Variants in PALS2 observed in about 807,000 individuals in gnomAD.
PALS2 encodes protein associated with LIN7 2, MAGUK p55 family member.
PALS2 carries 27 observed loss-of-function variants against 61.6 expected under a neutral mutation model. That is an observed-to-expected ratio of 0.44 (90% CI 0.32 to 0.60). PALS2 has a LOEUF of 0.60. Among genes scored for constraint, PALS2 ranks in the 20% least tolerant of loss-of-function variants. The probability of loss-of-function intolerance (pLI) is 0.05; values close to 1 mark genes in which losing one functional copy is unlikely to be tolerated. For synonymous variants in PALS2, 236 were observed against 218.6 expected (o/e 1.08, Z -0.70); for missense variants, 554 against 639.4 (o/e 0.87, Z 1.44).
At chr7:24,632,288 A>G (rs768579495) in intron 2 of PALS2, among the ~76,000 whole-genome samples, 5 of 152,250 alleles carry the variant, frequency 3.3e-5, no homozygotes, top group African/African-American at 9.6e-5. Flanking sequence ...TAATGTTAGC[A>G]TGATACACCT....
intron 3 of PALS2, among the ~76,000 whole-genome samples, chr7:24,648,081 T>C (rs1474559053): frequency 6.7e-6 from 1 of 149,882 alleles, no homozygotes; most frequent in Admixed American, 6.7e-5. Context: ...ATGAGTTGTT[T>C]TATTGAATTT....
At chr7:24,601,529 G>C (rs1562607356) in intron 1 of PALS2, among the ~76,000 whole-genome samples, 1 of 151,878 alleles carries the variant, frequency 6.6e-6, no homozygotes, top group Non-Finnish European at 1.5e-5. Flanking sequence ...AATTATCTTT[G>C]CCTTTTTCCT....
chr7:24,628,411 T>C (rs1784844309), intron 2 of PALS2, among the ~76,000 whole-genome samples: 1 of 152,198 alleles, frequency 6.6e-6, no homozygotes, highest in Non-Finnish European at 1.5e-5. Context: ...AATATCATAC[T>C]GAATGGGCAA....
At chr7:24,669,524 C>G (rs1487456940) in intron 9 of PALS2, among the ~76,000 whole-genome samples, 1 of 152,166 alleles carries the variant, frequency 6.6e-6, no homozygotes. Flanking sequence ...ATTCCCATTG[C>G]TGTGCTTCTA....
intron 9 of PALS2, among the ~76,000 whole-genome samples, chr7:24,671,013 A>G (rs1386371993): frequency 6.6e-6 from 1 of 152,182 alleles, no homozygotes; most frequent in East Asian, 1.9e-4. Flanking sequence ...TTGTGTGGAC[A>G]TATGCCTGTT....
chr7:24,633,470 C>A (rs1326594091), intron 2 of PALS2, among the ~76,000 whole-genome samples: 4 of 123,360 alleles, frequency 3.2e-5, no homozygotes, highest in Non-Finnish European at 6.8e-5. Context: ...AGGTTGCCCC[C>A]CCCCCACCCC....
chr7:24,659,257 C>T lies in PALS2; in HGVS notation c.652-4333C>T, dbSNP rs569552035. 2.0e-5 allele frequency among the ~76,000 whole-genome samples: 3 copies of T among 152,206 alleles called. No individual in the cohort carries two copies. The East Asian group carries it at 5.8e-4, about 29-fold the overall frequency. Reference sequence around the variant, plus strand: ...CTTTATCCAGTCCACCATTATTGGGCGCCTAGGTTGATTTCATATCTTTGC... The same window carrying T: ...CTTTATCCAGTCCACCATTATTGGGTGCCTAGGTTGATTTCATATCTTTGC... On this transcript the variant is annotated intron_variant, in intron 5 of 11. Coordinates refer to ENST00000222644, the MANE Select transcript of PALS2 (RefSeq NM_001303037.2).
chr7:24,663,824 G>A (rs1786866791), intron 6 of PALS2, 103 bp downstream of exon 6: 3 of 1,377,530 alleles, frequency 2.2e-6, no homozygotes, highest in South Asian at 2.5e-5. Context: ...TTGTTACAAT[G>A]ATTTTTCCCA....
chr7:24,670,204 C>G (rs1245537867), intron 9 of PALS2, among the ~76,000 whole-genome samples: 1 of 152,166 alleles, frequency 6.6e-6, no homozygotes, highest in East Asian at 1.9e-4. Flanking sequence ...TTGAACAGCC[C>G]TTTCCCCTTC....
In PALS2 at chr7:24,668,484, T is replaced by G; in HGVS notation, c.953-15T>G. On this transcript the variant is annotated splice_polypyrimidine_tract_variant and intron_variant, in intron 8 of 11. Coordinates refer to ENST00000222644, the MANE Select transcript of PALS2 (RefSeq NM_001303037.2). ...TAAAAGTTGACTTTGTATTCCCATT[T>G]CCTTTTTCATTTAGAATTTGATCGT... The G allele has an allele frequency of 6.2e-7, 1 of 1,606,306 alleles. No individual in the cohort carries two copies.
At chr7:24,604,486 CAT>C (rs1323317453) in intron 1 of PALS2, among the ~76,000 whole-genome samples, 4 of 152,054 alleles carry the variant, frequency 2.6e-5, no homozygotes, top group Non-Finnish European at 4.4e-5. Flanking sequence ...GCCTTGGAGA[CAT>C]GTGGGACAAT....
rs151056883 is a variant in PALS2 at position 24,607,104 on chromosome 7, C to T, written c.-2-16562C>T. ...GATTAGAGATGTTCAACCTGTATAA[C>T]CTTATGAGTTGTATCAATGTCATTT... On this transcript the variant is annotated intron_variant, in intron 1 of 11. Coordinates refer to ENST00000222644, the MANE Select transcript of PALS2 (RefSeq NM_001303037.2). Among the ~76,000 whole-genome samples, 7 of 152,088 alleles carry T rather than the reference C, an allele frequency of 4.6e-5. No individual in the cohort carries two copies. In the East Asian group the frequency reaches 1.4e-3, roughly 29 times the overall value.
In PALS2 at chr7:24,588,030, G is replaced by A. The variant is rs140435795; in HGVS notation, c.-3+14437G>A. 1.8e-3 allele frequency among the ~76,000 whole-genome samples: 270 copies of A among 152,194 alleles called. 1 individual carries two copies. The highest frequency in any genetic ancestry group is 6.3e-3 in the African/African-American group (260 of 41,522). On this transcript the variant is annotated intron_variant, in intron 1 of 11. Transcript: ENST00000222644. ...TCTTTGGTTGTCACACCTGGGGTGG[G>A]GTGCTACTGACATCTAGTGGGTAGA...
chr7:24,634,605 T>G (rs769496343), intron 2 of PALS2, among the ~76,000 whole-genome samples: 14 of 152,236 alleles, frequency 9.2e-5, no homozygotes, highest in Non-Finnish European at 1.5e-4. Context: ...TTTGGTCTTA[T>G]ATGTAAGAAT....
Position 24,692,925 on chromosome 7 carries a change from T to TAA in PALS2, c.*5312_*5313insAA, listed in dbSNP as rs1788542036. Reference sequence around the variant, plus strand: ...GAAAGAAACATTCACAGTGAGGTCTTAGTTTGTGAACCTCAAAATCCAGAT... The same window carrying TAA: ...GAAAGAAACATTCACAGTGAGGTCTTAAAGTTTGTGAACCTCAAAATCCAGAT... On this transcript the variant is annotated 3_prime_UTR_variant, in exon 12 of 12. Coordinates refer to ENST00000222644, the MANE Select transcript of PALS2 (RefSeq NM_001303037.2). 1 of 152,202 alleles carries TAA rather than the reference T, an allele frequency of 6.6e-6. No homozygotes were observed. The allele number at this position is 152,202 out of a possible 1,614,324, so 9.4% of individuals were successfully genotyped here.
intron 1 of PALS2, among the ~76,000 whole-genome samples, chr7:24,613,477 ATAAT>A: frequency 6.6e-6 from 1 of 151,980 alleles, no homozygotes; most frequent in Middle Eastern, 3.4e-3. Context: ...TGACACATTA[ATAAT>A]TGTACATATT....
In PALS2 at chr7:24,618,922, T is replaced by A. The variant is rs566140142; in HGVS notation, c.-2-4744T>A. 1.4e-3 allele frequency among the ~76,000 whole-genome samples: 210 copies of A among 152,382 alleles called. No homozygotes were observed. Among genetic ancestry groups the A allele is most frequent in the African/African-American group, 4.1e-3 (170 of 41,594 alleles). On this transcript the variant is annotated intron_variant, in intron 1 of 11. Coordinates refer to ENST00000222644, the MANE Select transcript of PALS2 (RefSeq NM_001303037.2). This position sits in a 1 kb window ranked among gnomAD's most constrained non-coding sequence, Gnocchi z 5.1. ...AGCGGAGGAATGTGCACCAGACACT[T>A]ACCGTCAGCCATCTTACTGACATCA...
At chr7:24,651,306 G>A (rs564031886) in intron 5 of PALS2, among the ~76,000 whole-genome samples, 1 of 152,276 alleles carries the variant, frequency 6.6e-6, no homozygotes, top group South Asian at 2.1e-4. Flanking sequence ...TATGTAACCA[G>A]GTGGCAGATT....
At chr7:24,585,186 C>T (rs1467308425) in intron 1 of PALS2, among the ~76,000 whole-genome samples, 1 of 152,008 alleles carries the variant, frequency 6.6e-6, no homozygotes, top group African/African-American at 2.4e-5. Flanking sequence ...GTAGTTTTTT[C>T]CAATTCTGTG....
Sources: gnomAD v4.1 joint callset for allele counts (sites outside exome capture counted in the v4.1 genomes callset) on GRCh38, gnomAD v4.1.1 for gene constraint, Gnocchi (gnomAD v3.1) non-coding constraint, MANE v1.5 for transcripts, NCBI Gene and HGNC (gene_info 2026-07-23, HGNC 2026-07-21) for gene names.